PKLR: variants seen among roughly 807,000 people sequenced by gnomAD.
The protein encoded by PKLR is pyruvate kinase PKLR.
A neutral mutation model predicts 53.6 loss-of-function variants in PKLR; 38 were observed. That is an observed-to-expected ratio of 0.71 (90% CI 0.55 to 0.93). The LOEUF (loss-of-function observed/expected upper bound fraction) is 0.93, where lower values mean the gene tolerates loss of function less well. Ranked by LOEUF, PKLR falls within the 40% of genes least tolerant of loss-of-function variation. The pLI, the probability that PKLR is intolerant of heterozygous loss-of-function variation, is 0.00. For missense variants in PKLR, 702 were observed against 787.3 expected (o/e 0.89, Z 1.30); for synonymous variants, 328 against 316.2 (o/e 1.04, Z -0.39).
chr1:155,299,034 C>T (rs1190147946), intron 2 of PKLR, among the ~76,000 whole-genome samples: 10 of 61,002 alleles, frequency 1.6e-4, no homozygotes, highest in Non-Finnish European at 3.0e-4. Flanking sequence ...TTCTTTCTTT[C>T]TCTTTCTTTC....
At chr1:155,300,736 TTTCTCCC>T (rs1273783828) in intron 1 of PKLR, 8 of 916,038 alleles carry the variant, frequency 8.7e-6, no homozygotes, top group Non-Finnish European at 1.2e-5. Flanking sequence ...AGGTCTCTGT[TTTCTCCC>T]TTCCAACCCC....
chr1:155,291,800 CA>C lies in PKLR; in HGVS notation c.1573del (p.Trp525GlyfsTer5), dbSNP rs1195760289. On this transcript the variant is annotated frameshift_variant, in exon 10 of 11. Transcript: ENST00000342741. LOFTEE classifies it high-confidence loss of function. The part of the protein sequence containing the change: ...LLYREPPEAI[W>X]ADDVDRRVQF... ...CACCCGGCGATCTACATCATCTGCC[CA>C]GATGGCTTCTGGAGGTTCACGGTAA... is the stretch of plus-strand genomic sequence containing the variant. The C allele has an allele frequency of 1.2e-6, 2 of 1,613,988 alleles. No individual in the cohort carries two copies. The highest frequency in any genetic ancestry group is 1.7e-6 in the Non-Finnish European group (2 of 1,180,012).
At chr1:155,292,991 C>T (rs1368892710) in intron 9 of PKLR, among the ~76,000 whole-genome samples, 186 bp downstream of exon 9, 6 of 152,182 alleles carry the variant, frequency 3.9e-5, no homozygotes, top group African/African-American at 1.4e-4. Flanking sequence ...CCGCTGTCCC[C>T]TTCCAGCCCC....
rs764396178 is a variant in PKLR at position 155,293,558 on chromosome 1, T to A, written c.1149A>T (p.Pro383=). 33 of 1,614,220 alleles carry A rather than the reference T, an allele frequency of 2.0e-5. No individual in the cohort carries two copies. Among genetic ancestry groups the A allele is most frequent in the Non-Finnish European group, 2.8e-5 (33 of 1,180,032 alleles). ...MLESMITKPR[P]TRAETSDVAN... is the part of the protein sequence containing the mutation. ...CGACATCGCTTGTCTCTGCCCTCGT[T>A]GGCCGGGGCTTGGTAATCATGCTCT... Residue 383 remains proline, a synonymous_variant, in exon 8 of 11, where the codon CCA becomes CCT. Transcript: ENST00000342741. The surrounding 1 kb of genome is among the most constrained non-coding windows in gnomAD (Gnocchi z 4.2).
At chr1:155,296,234 A>T (rs1647591130) in intron 2 of PKLR, among the ~76,000 whole-genome samples, 2 of 152,274 alleles carry the variant, frequency 1.3e-5, no homozygotes, top group South Asian at 4.1e-4. Context: ...TTCGGTCCCT[A>T]TCTGTCTTTC....
At chr1:155,300,871 C>A (rs746947114) in intron 1 of PKLR, 1 of 1,611,466 alleles carries the variant, frequency 6.2e-7, no homozygotes, top group East Asian at 2.2e-5. Flanking sequence ...GCCCCCGATT[C>A]CAGCCGCACC....
chr1:155,299,167 C>CTT (rs1557963718), intron 2 of PKLR, among the ~76,000 whole-genome samples: 252 of 138,744 alleles, frequency 1.8e-3, no homozygotes, highest in African/African-American at 5.7e-3. Context: ...CTTTCTCTCT[C>CTT]TCTTTCTTTC....
Position 155,295,838 on chromosome 1 carries a change from AC to A in PKLR, c.284-83del. ...AACCCAACCCATTACCATTCTCAGA[AC>A]GCCTCACGCCACAGGCGTCCTGTTA... On this transcript the variant is annotated intron_variant, in intron 2 of 10. Coordinates refer to ENST00000342741, the MANE Select transcript of PKLR (RefSeq NM_000298.6). The surrounding 1 kb of genome is among the most constrained non-coding windows in gnomAD (Gnocchi z 4.3). 2 of 1,168,386 alleles carry A rather than the reference AC, an allele frequency of 1.7e-6. No homozygotes were observed. Among genetic ancestry groups the A allele is most frequent in the Non-Finnish European group, 2.6e-6 (2 of 780,010 alleles). The allele number at this position is 1,168,386 out of a possible 1,614,324, so 72.4% of individuals were successfully genotyped here. A position where few individuals can be genotyped will look rare whatever the true frequency, so the allele number is the denominator to read the frequency against.
At chr1:155,294,211 G>A (rs1023047538) in intron 7 of PKLR, 24 bp downstream of exon 7, 8 of 1,613,710 alleles carry the variant, frequency 5.0e-6, no homozygotes, top group African/African-American at 1.3e-5. Context: ...ACAGAGTGCC[G>A]AACCTCAAGG....
chr1:155,305,796 ATTTT>A (rs35024216), upstream of PKLR, among the ~76,000 whole-genome samples: 2 of 133,316 alleles, frequency 1.5e-5, no homozygotes, highest in Non-Finnish European at 3.2e-5. Context: ...TGCCCAGCTA[ATTTT>A]TTTTTTTTTT....
At chr1:155,291,557 G>A (rs563654975) in intron 10 of PKLR, among the ~76,000 whole-genome samples, 199 bp downstream of exon 10, 16 of 152,046 alleles carry the variant, frequency 1.1e-4, no homozygotes, top group South Asian at 2.1e-4. Context: ...TAAGTAGCAC[G>A]GCCGTCTGCC....
At chr1:155,292,471 A>G (rs1483448347) in intron 9 of PKLR, among the ~76,000 whole-genome samples, 1 of 152,136 alleles carries the variant, frequency 6.6e-6, no homozygotes, top group Non-Finnish European at 1.5e-5. Flanking sequence ...CCCTGTCTCT[A>G]CTAAAAATAC....
Position 155,295,017 on chromosome 1 carries a change from A to G in PKLR, c.694+99T>C. The stretch of plus-strand genomic sequence containing the variant: ...GACGGGCTGGCAAAAACGCGTGGCC[A>G]GGGGAAGGTGTGATCGGTCTGAGGG... On this transcript the variant is annotated intron_variant, in intron 5 of 10. Transcript: ENST00000342741. This position sits in a 1 kb window ranked among gnomAD's most constrained non-coding sequence, Gnocchi z 4.3. 1.5e-6 allele frequency: 2 copies of G among 1,359,200 alleles called. No individual in the cohort carries two copies. The highest frequency in any genetic ancestry group is 2.1e-6 in the Non-Finnish European group (2 of 969,584). The allele number at this position is 1,359,200 out of a possible 1,614,324, so 84.2% of individuals were successfully genotyped here.
upstream of PKLR, among the ~76,000 whole-genome samples, chr1:155,302,339 C>A (rs748116254): frequency 1.3e-5 from 2 of 150,360 alleles, no homozygotes; most frequent in Admixed American, 1.3e-4. Flanking sequence ...TGGGTTCAAG[C>A]GATTATCCTG....
rs1012654082 is a variant in PKLR at position 155,299,139 on chromosome 1, CTCCT to C, written c.283+955_283+958del. 2.3e-4 allele frequency among the ~76,000 whole-genome samples: 34 copies of C among 146,730 alleles called. No homozygotes were observed. The East Asian group carries it at 4.7e-3, about 20-fold the overall frequency. On this transcript the variant is annotated intron_variant, in intron 2 of 10. Transcript: ENST00000342741. ...CTTCCTTCCTTCCCTCCCTCCCTCC[CTCCT>C]TCCTTCCTTCCTTCTTTCTCTCTCT...
the PKLR span, among the ~76,000 whole-genome samples, chr1:155,307,165 G>T: frequency 6.6e-6 from 1 of 152,110 alleles, no homozygotes; most frequent in Non-Finnish European, 1.5e-5. Flanking sequence ...CGCCCACCTT[G>T]GCCTCCCAAA....
chr1:155,298,193 G>A lies in PKLR; in HGVS notation c.283+1905C>T, dbSNP rs1403949339. Among the ~76,000 whole-genome samples, 7 of 152,062 alleles carry A rather than the reference G, an allele frequency of 4.6e-5. No individual in the cohort carries two copies. The South Asian group carries it at 8.3e-4, about 18-fold the overall frequency. Reference sequence around the variant, plus strand: ...TGGGACTACAGGCATGTGCCACCACGCCCAGCTAATTTTTGTATTTTTATT... The same window carrying A: ...TGGGACTACAGGCATGTGCCACCACACCCAGCTAATTTTTGTATTTTTATT... On this transcript the variant is annotated intron_variant, in intron 2 of 10. Coordinates refer to ENST00000342741, the MANE Select transcript of PKLR (RefSeq NM_000298.6).
chr1:155,303,883 C>T (rs946106221), upstream of PKLR, among the ~76,000 whole-genome samples: 6 of 151,906 alleles, frequency 3.9e-5, no homozygotes, highest in African/African-American at 9.7e-5. Flanking sequence ...GAGAAGGAAC[C>T]GGTGGGGGCA....
In PKLR at chr1:155,293,957, A is replaced by T. The variant is rs1647385073; in HGVS notation, c.1116+278T>A. On this transcript the variant is annotated intron_variant, in intron 7 of 10. Transcript: ENST00000342741. This position sits in a 1 kb window ranked among gnomAD's most constrained non-coding sequence, Gnocchi z 4.2. ...AGACCAGTCTGGCCAACATGGTGAA[A>T]CCCCGTCTCTACTGAAAATACAAAA... is the stretch of plus-strand genomic sequence containing the variant. Among the ~76,000 whole-genome samples the T allele has an allele frequency of 6.6e-6, 1 of 151,912 alleles. No homozygotes were observed. The highest frequency in any genetic ancestry group is 2.1e-4 in the South Asian group (1 of 4,810).
Sources: allele counts gnomAD v4.1 joint callset (sites outside exome capture counted in the v4.1 genomes callset), GRCh38; gene constraint gnomAD v4.1.1; non-coding constraint Gnocchi (gnomAD v3.1); transcripts MANE v1.5; gene names NCBI Gene and HGNC (gene_info 2026-07-23, HGNC 2026-07-21).